Variants in SGMS2 observed in about 807,000 individuals in gnomAD.
The protein encoded by SGMS2 is sphingomyelin synthase 2.
In SGMS2, 21 loss-of-function variants were observed where a neutral mutation model predicts 43.8. That is an observed-to-expected ratio of 0.48 (90% CI 0.34 to 0.69). The LOEUF (loss-of-function observed/expected upper bound fraction) is 0.69. SGMS2 is among the 30% of genes least tolerant of loss of function. The pLI is 0.01. For missense variants in SGMS2, 384 were observed against 443.2 expected (o/e 0.87, Z 1.20); for synonymous variants, 167 against 160.6 (o/e 1.04, Z -0.30).
chr4:107,869,254 G>A (rs1233280506), intron 2 of SGMS2, among the ~76,000 whole-genome samples: 1 of 152,166 alleles, frequency 6.6e-6, no homozygotes. Flanking sequence ...TAGCAGGAAA[G>A]GTTTGTTGGA....
intron 2 of SGMS2, among the ~76,000 whole-genome samples, chr4:107,865,892 T>C (rs1728077451): frequency 6.6e-6 from 1 of 152,228 alleles, no homozygotes; most frequent in Non-Finnish European, 1.5e-5. Flanking sequence ...TTATTTTCCT[T>C]TTCATGTGGC....
chr4:107,873,948 C>G (rs1352522596), intron 2 of SGMS2: 3 of 152,118 alleles, frequency 2.0e-5, no homozygotes, highest in African/African-American at 7.2e-5. Context: ...CATTTTTATT[C>G]TCTTTTAAGG....
chr4:107,862,812 A>G (rs1349060963), intron 2 of SGMS2, among the ~76,000 whole-genome samples: 1 of 152,208 alleles, frequency 6.6e-6, no homozygotes, highest in Non-Finnish European at 1.5e-5. Context: ...CCTGCCAAAC[A>G]CAAACAAGTT....
intron 1 of SGMS2, among the ~76,000 whole-genome samples, chr4:107,829,656 AAACTT>A (rs550460102): frequency 2.3e-3 from 344 of 152,340 alleles, no homozygotes; most frequent in South Asian, 0.019. Context: ...CTTTCAAACT[AAACTT>A]GTGCAACTAA....
intron 1 of SGMS2, among the ~76,000 whole-genome samples, chr4:107,843,373 T>C (rs1038019535): frequency 6.6e-6 from 1 of 152,230 alleles, no homozygotes; most frequent in Non-Finnish European, 1.5e-5. Flanking sequence ...TTTAAACTTA[T>C]CCTGAATTTA....
At chr4:107,826,052 C>T (rs1725571735) in intron 1 of SGMS2, among the ~76,000 whole-genome samples, 1 of 152,162 alleles carries the variant, frequency 6.6e-6, no homozygotes, top group Non-Finnish European at 1.5e-5. Flanking sequence ...CATTACCAGT[C>T]TCCTCTATTA....
chr4:107,890,549 C>T (rs147157806), intron 2 of SGMS2, among the ~76,000 whole-genome samples: 60 of 151,734 alleles, frequency 4.0e-4, no homozygotes, highest in Non-Finnish European at 7.2e-4. Context: ...GTGGTACGTG[C>T]GTGTAATCCC....
chr4:107,853,671 C>A (rs1025636355), intron 1 of SGMS2, among the ~76,000 whole-genome samples: 4 of 152,172 alleles, frequency 2.6e-5, no homozygotes, highest in Non-Finnish European at 4.4e-5. Context: ...AGTCAGTGAA[C>A]AAATATTTAT....
intron 1 of SGMS2, among the ~76,000 whole-genome samples, chr4:107,856,806 T>G (rs1182167302): frequency 1.3e-5 from 2 of 152,202 alleles, no homozygotes; most frequent in African/African-American, 4.8e-5. Flanking sequence ...GAAGTTTATT[T>G]CATCTGTTCA....
chr4:107,869,874 A>G (rs143097992), intron 2 of SGMS2, among the ~76,000 whole-genome samples: 23 of 152,340 alleles, frequency 1.5e-4, no homozygotes, highest in African/African-American at 5.3e-4. Flanking sequence ...CAAAATAAGC[A>G]ATGGACTTTT....
At chr4:107,888,865 C>T (rs1002975597) in intron 2 of SGMS2, among the ~76,000 whole-genome samples, 1 of 152,018 alleles carries the variant, frequency 6.6e-6, no homozygotes, top group African/African-American at 2.4e-5. Flanking sequence ...AATTATTTAT[C>T]CCATTACATT....
intron 2 of SGMS2, among the ~76,000 whole-genome samples, chr4:107,879,087 T>C (rs1729140792): frequency 6.7e-6 from 1 of 149,538 alleles, no homozygotes; most frequent in Non-Finnish European, 1.5e-5. Flanking sequence ...TTTCAACAAG[T>C]ATTGAATGGT....
At chr4:107,849,342 A>G (rs1410935231) in intron 1 of SGMS2, among the ~76,000 whole-genome samples, 1 of 152,156 alleles carries the variant, frequency 6.6e-6, no homozygotes, top group Non-Finnish European at 1.5e-5. Flanking sequence ...AAGTCATCAC[A>G]TGTGCCTATT....
At position 107,843,242 on chromosome 4, in the gene SGMS2, C is replaced by T. The variant is rs536730004; in HGVS notation, c.-326-15230C>T. Among the ~76,000 whole-genome samples the T allele has an allele frequency of 1.4e-4, 21 of 151,976 alleles. No individual in the cohort carries two copies. In the South Asian group the frequency reaches 4.2e-3, roughly 30 times the overall value. The stretch of plus-strand genomic sequence containing the variant: ...TTAGCTATTCTGGCATTCTGAGAAT[C>T]CTTTGATCCCTTCAACTTAAATATT... On this transcript the variant is annotated intron_variant, in intron 1 of 6. Transcript: ENST00000690982.
chr4:107,893,348 TGAAG>T (rs1730398515), intron 2 of SGMS2: 2 of 152,090 alleles, frequency 1.3e-5, no homozygotes. Flanking sequence ...AGAGTAAAGT[TGAAG>T]GGAATTTGGA....
intron 2 of SGMS2, among the ~76,000 whole-genome samples, chr4:107,866,570 A>G (rs1728140455): frequency 1.3e-5 from 2 of 151,982 alleles, no homozygotes; most frequent in Non-Finnish European, 2.9e-5. Context: ...CTGTCTCAAA[A>G]AAAAACCAAA....
chr4:107,873,222 T>C (rs1728672224), intron 2 of SGMS2: 1 of 152,192 alleles, frequency 6.6e-6, no homozygotes, highest in South Asian at 2.1e-4. Context: ...TTATTATTGG[T>C]AATTTGGAAA....
At position 107,892,017 on chromosome 4, in the gene SGMS2, G is replaced by A. The variant is rs1424908882; in HGVS notation, c.-244-3293G>A. 4.0e-5 allele frequency among the ~76,000 whole-genome samples: 6 copies of A among 151,556 alleles called. No individual in the cohort carries two copies. The East Asian group carries it at 7.7e-4, about 20-fold the overall frequency. On this transcript the variant is annotated intron_variant, in intron 2 of 6. Transcript: ENST00000690982. The stretch of plus-strand genomic sequence containing the variant: ...CTTCATTAGACAAAAGAAGTTTCTC[G>A]GGCTGCTTTCTGTTAGAAGGGAAGC...
chr4:107,862,194 G>A (rs1727772878), intron 2 of SGMS2, among the ~76,000 whole-genome samples: 1 of 152,210 alleles, frequency 6.6e-6, no homozygotes, highest in Non-Finnish European at 1.5e-5. Flanking sequence ...GTAACTGTCG[G>A]AGAATGTATA....
Sources: allele counts gnomAD v4.1 joint callset (sites outside exome capture counted in the v4.1 genomes callset), GRCh38; gene constraint gnomAD v4.1.1; transcripts MANE v1.5; gene names NCBI Gene and HGNC (gene_info 2026-07-23, HGNC 2026-07-21).